Variants in EXO1 observed in about 807,000 individuals in gnomAD.
EXO1 encodes exonuclease 1.
In EXO1, 69 loss-of-function variants were observed where a neutral mutation model predicts 84.5. The ratio of observed to expected loss-of-function variants is 0.82; its 90% CI spans 0.67 to 1.00. The LOEUF (loss-of-function observed/expected upper bound fraction) is 1.00. EXO1 is among the 50% of genes least tolerant of loss of function. The pLI is 0.00. For synonymous variants in EXO1, 373 were observed against 366.1 expected, an observed-to-expected ratio of 1.02 and a Z score of -0.21; for missense variants, 1,045 against 1,000.7, an observed-to-expected ratio of 1.04 and a Z score of -0.60.
In EXO1 at chr1:241,875,078, A is replaced by C. The variant is rs149621770; in HGVS notation, c.1514+2800A>C. On this transcript the variant is annotated intron_variant, in intron 12 of 15. Transcript: ENST00000366548. ...GAGTACAGTGGCGCCATCTCGGCTC[A>C]CTGCCACCTCCGCCTCCCGGGTTCA... Among the ~76,000 whole-genome samples, 204 of 152,244 alleles carry C rather than the reference A, an allele frequency of 1.3e-3. 1 individual carries two copies. The highest frequency in any genetic ancestry group is 2.3e-3 in the Non-Finnish European group (154 of 68,002).
intron 4 of EXO1, among the ~76,000 whole-genome samples, chr1:241,851,114 G>A (rs1660648348): frequency 6.6e-6 from 1 of 152,122 alleles, no homozygotes; most frequent in Admixed American, 6.5e-5. Context: ...ACAGGCGTGA[G>A]CCACCATGCC....
In EXO1 at chr1:241,850,459, G is replaced by A. The variant is rs750340442; in HGVS notation, c.34G>A (p.Glu12Lys). ...GIQGLLQFIK[E>K]ASEPIHVRKY... ...ACAGGGATTGCTACAATTTATCAAA[G>A]AAGCTTCAGAACCCATCCATGTGAG... Residue 12 changes from glutamate (E) to lysine (K), a missense_variant, in exon 4 of 16, where the codon GAA (glutamate) becomes AAA (lysine). Physicochemically the swap from Glu to Lys is moderately conservative, Grantham distance 56 (BLOSUM62 1). Coordinates refer to ENST00000366548, the MANE Select transcript of EXO1 (RefSeq NM_130398.4). 6.2e-7 allele frequency: 1 copy of A among 1,613,988 alleles called. No homozygotes were observed. The highest frequency in any genetic ancestry group is 8.5e-7 in the Non-Finnish European group (1 of 1,179,860).
At chr1:241,850,278 T>TC (rs1660586663) in intron 3 of EXO1, 131 bp from the exon 4 acceptor site, 1 of 584,694 alleles carries the variant, frequency 1.7e-6, no homozygotes, top group Non-Finnish European at 2.8e-6. Context: ...AGACTCCGTC[T>TC]CAAAAAAAAA....
At chr1:241,869,404 G>A (rs994841956) in intron 11 of EXO1, among the ~76,000 whole-genome samples, 1 of 152,148 alleles carries the variant, frequency 6.6e-6, no homozygotes, top group African/African-American at 2.4e-5. Context: ...CACCATAGAG[G>A]ATGTTTAAAA....
At chr1:241,861,228 G>A (rs1255742076) in intron 9 of EXO1, among the ~76,000 whole-genome samples, 178 bp from the exon 10 acceptor site, 2 of 152,250 alleles carry the variant, frequency 1.3e-5, no homozygotes, top group Middle Eastern at 3.2e-3. Flanking sequence ...TGCAGAGACA[G>A]ATAGAGACTA....
At chr1:241,882,155 A>G in intron 14 of EXO1, 138 bp downstream of exon 14, 1 of 600,050 alleles carries the variant, frequency 1.7e-6, no homozygotes, top group Non-Finnish European at 3.0e-6. Context: ...TTAAAACTTT[A>G]TGCTTGACTG....
intron 11 of EXO1, among the ~76,000 whole-genome samples, chr1:241,869,227 G>T (rs565828638): frequency 1.3e-5 from 2 of 152,292 alleles, no homozygotes; most frequent in African/African-American, 4.8e-5. Context: ...GAGCAATGGT[G>T]CAGAATAATA....
Position 241,872,289 on chromosome 1 carries a change from G to A in EXO1, c.1514+11G>A, listed in dbSNP as rs775151708. The stretch of plus-strand genomic sequence containing the variant: ...AGGGACCAGAAGCAGGTATAGTTAT[G>A]TCTCCAGAATGTTGATTGTCTGTTG... On this transcript the variant is annotated intron_variant, in intron 12 of 15. Transcript: ENST00000366548. The A allele has an allele frequency of 1.2e-6, 2 of 1,613,332 alleles. No individual in the cohort carries two copies. The highest frequency in any genetic ancestry group is 3.3e-5 in the Admixed American group (2 of 60,014).
Position 241,850,547 on chromosome 1 carries a change from C to G in EXO1, c.122C>G (p.Ala41Gly), listed in dbSNP as rs750210536. ...TYCWLHKGAIACAEKLAKGEP... is the reference protein window; with the variant it reads ...TYCWLHKGAIGCAEKLAKGEP... ...TGCTGGCTTCACAAAGGAGCTATTGCTTGTGCTGAAAAACTAGCCAAAGGT... is the reference window on the plus strand; with the variant it reads ...TGCTGGCTTCACAAAGGAGCTATTGGTTGTGCTGAAAAACTAGCCAAAGGT... Residue 41 changes from alanine to glycine, a missense_variant, in exon 4 of 16, where the codon GCT becomes GGT. Physicochemically the swap from Ala to Gly is moderately conservative, Grantham distance 60. Coordinates refer to ENST00000366548, the MANE Select transcript of EXO1 (RefSeq NM_130398.4). The G allele has an allele frequency of 3.1e-6, 5 of 1,613,808 alleles. No individual in the cohort carries two copies. In the African/African-American group the frequency reaches 5.3e-5, roughly 17 times the overall value.
At chr1:241,850,230 G>A (rs1008866644) in intron 3 of EXO1, among the ~76,000 whole-genome samples, 179 bp from the exon 4 acceptor site, 6 of 150,686 alleles carry the variant, frequency 4.0e-5, no homozygotes, top group Non-Finnish European at 8.8e-5. Flanking sequence ...GCAGTGAGCC[G>A]ATATAGGCCA....
At chr1:241,876,534 A>G (rs888277123) in intron 12 of EXO1, among the ~76,000 whole-genome samples, 5 of 151,916 alleles carry the variant, frequency 3.3e-5, no homozygotes, top group African/African-American at 1.2e-4. Context: ...GAGAGTTGAG[A>G]TCGCACCCCT....
intron 12 of EXO1, among the ~76,000 whole-genome samples, chr1:241,874,445 G>A (rs1439159485): frequency 2.0e-5 from 3 of 152,194 alleles, no homozygotes; most frequent in Non-Finnish European, 4.4e-5. Flanking sequence ...AATCAGGGGA[G>A]GTGGTGTATG....
intron 9 of EXO1, 66 bp from the exon 10 acceptor site, chr1:241,861,340 A>G (rs1661369422): frequency 3.5e-6 from 3 of 845,370 alleles, no homozygotes; most frequent in South Asian, 1.3e-5. Context: ...ACATTTTTCC[A>G]TCTTAGTATA....
At chr1:241,865,654 C>T (rs112714708) in intron 10 of EXO1, among the ~76,000 whole-genome samples, 11,869 of 151,954 alleles carry the variant, frequency 0.078, 728 homozygotes, top group Admixed American at 0.19. Flanking sequence ...AAATTCCTGT[C>T]AGAATTTTGT....
chr1:241,876,826 C>G (rs1047003735), intron 12 of EXO1, among the ~76,000 whole-genome samples: 2 of 152,048 alleles, frequency 1.3e-5, no homozygotes, highest in Admixed American at 1.3e-4. Context: ...GGATTGGAAG[C>G]GGCATACAAT....
At chr1:241,869,433 T>C (rs771796414) in intron 11 of EXO1, among the ~76,000 whole-genome samples, 3 of 152,068 alleles carry the variant, frequency 2.0e-5, no homozygotes, top group African/African-American at 7.2e-5. Context: ...ATGATTATAA[T>C]TGCTTCCTTC....
At position 241,870,103 on chromosome 1, in the gene EXO1, C is replaced by T. The variant is rs181515402; in HGVS notation, c.1268-1929C>T. ...GGGAATACAGGTGTGAGCCACTGCGCCTGGCCTGTACATGTTCTTTCATTT... is the reference window on the plus strand; with the variant it reads ...GGGAATACAGGTGTGAGCCACTGCGTCTGGCCTGTACATGTTCTTTCATTT... On this transcript the variant is annotated intron_variant, in intron 11 of 15. Transcript: ENST00000366548. 2.5e-3 allele frequency among the ~76,000 whole-genome samples: 381 copies of T among 152,290 alleles called. 2 individuals are homozygous for T. The highest frequency in any genetic ancestry group is 4.8e-3 in the Admixed American group (74 of 15,292).
At chr1:241,884,777 T>C (rs1040065078) in intron 14 of EXO1, among the ~76,000 whole-genome samples, 2 of 152,246 alleles carry the variant, frequency 1.3e-5, no homozygotes, top group Admixed American at 1.3e-4. Context: ...TCTGTTCCTT[T>C]ACAAAAGAGA....
rs184212351 is a variant in EXO1, at chr1:241,855,470, G to T, written c.406-1875G>T. 3.4e-3 allele frequency among the ~76,000 whole-genome samples: 512 copies of T among 152,244 alleles called. 4 individuals are homozygous for T. Among genetic ancestry groups the T allele is most frequent in the African/African-American group, 0.012 (495 of 41,544 alleles). On this transcript the variant is annotated intron_variant, in intron 6 of 15. Coordinates refer to ENST00000366548, the MANE Select transcript of EXO1 (RefSeq NM_130398.4). ...TGTATTTACAATCCCTGAGCTAGAC[G>T]TAAAGATTCTCCAAGGCCCCACCAG...
Sources: gnomAD v4.1 joint callset for allele counts (sites outside exome capture counted in the v4.1 genomes callset) on GRCh38, gnomAD v4.1.1 for gene constraint, MANE v1.5 for transcripts, NCBI Gene and HGNC (gene_info 2026-07-23, HGNC 2026-07-21) for gene names.